Variants in LETM1 observed in about 807,000 individuals in gnomAD.
LETM1 encodes the protein leucine zipper and EF-hand containing transmembrane protein 1.
Under a neutral mutation model 74.5 loss-of-function variants are expected in LETM1, and 50 were observed. The observed-to-expected ratio is 0.67, with a 90% CI of 0.53 to 0.85. LETM1 has a LOEUF of 0.85. LETM1 is among the 40% of genes least tolerant of loss of function. The probability of loss-of-function intolerance (pLI) is 0.00; values close to 1 mark genes in which losing one functional copy is unlikely to be tolerated. For missense variants in LETM1, 824 were observed against 967.8 expected, an observed-to-expected ratio of 0.85 and a Z score of 1.97; for synonymous variants, 446 against 407.1, an observed-to-expected ratio of 1.10 and a Z score of -1.15.
At chr4:1,814,653 G>A in intron 13 of LETM1, 80 bp from the exon 14 acceptor site, 2 of 1,290,664 alleles carry the variant, frequency 1.5e-6, no homozygotes, top group Admixed American at 3.7e-5. Flanking sequence ...AGCGCCGTCA[G>A]TCGCCCCAGC....
At chr4:1,819,252 CG>C (rs775425084) in intron 11 of LETM1, 85 bp downstream of exon 11, 20 of 1,339,004 alleles carry the variant, frequency 1.5e-5, no homozygotes, top group Non-Finnish European at 1.9e-5. Context: ...AAGTATCTGA[CG>C]GAAGTATTAT....
chr4:1,827,974 C>A (rs1206522019), intron 6 of LETM1, among the ~76,000 whole-genome samples: 1 of 140,742 alleles, frequency 7.1e-6, no homozygotes, highest in African/African-American at 2.7e-5. Context: ...GAGGGGCTCC[C>A]CACTTCCCAG....
chr4:1,838,815 T>C (rs377201704), intron 3 of LETM1, among the ~76,000 whole-genome samples: 1 of 152,172 alleles, frequency 6.6e-6, no homozygotes, highest in East Asian at 1.9e-4. Context: ...GAGAGTGGAC[T>C]CGATTCCCAC....
chr4:1,848,834 G>A (rs1712973170), intron 2 of LETM1, among the ~76,000 whole-genome samples: 1 of 151,854 alleles, frequency 6.6e-6, no homozygotes, highest in African/African-American at 2.4e-5. Flanking sequence ...GGGCACAGTT[G>A]CCAGTGCCCA....
At chr4:1,828,371 G>A (rs1215318784) in intron 6 of LETM1, among the ~76,000 whole-genome samples, 15 of 94,356 alleles carry the variant, frequency 1.6e-4, no homozygotes, top group Admixed American at 4.1e-4. Flanking sequence ...CTGGCCGGGC[G>A]GGGGGCTGAC....
chr4:1,853,530 G>A (rs1713140080), intron 1 of LETM1, among the ~76,000 whole-genome samples: 1 of 152,120 alleles, frequency 6.6e-6, no homozygotes, highest in Non-Finnish European at 1.5e-5. Flanking sequence ...TACCAGTAGA[G>A]CAGCACCCTA....
chr4:1,843,884 G>A (rs1712789964), intron 2 of LETM1, among the ~76,000 whole-genome samples: 1 of 152,196 alleles, frequency 6.6e-6, no homozygotes. Context: ...CAGAGCCCAC[G>A]CAGGCTCAGA....
At chr4:1,818,242 C>T (rs1473130122) in intron 11 of LETM1, among the ~76,000 whole-genome samples, 1 of 152,200 alleles carries the variant, frequency 6.6e-6, no homozygotes, top group East Asian at 1.9e-4. Context: ...TGTCATAAAT[C>T]TAGAAATGGC....
At chr4:1,817,994 G>A (rs141552797) in intron 11 of LETM1, among the ~76,000 whole-genome samples, 40 of 152,246 alleles carry the variant, frequency 2.6e-4, no homozygotes, top group African/African-American at 8.4e-4. Context: ...TGCCCAGGCC[G>A]GTCTCAAACT....
intron 11 of LETM1, among the ~76,000 whole-genome samples, chr4:1,818,431 G>C (rs551708865): frequency 2.4e-4 from 36 of 152,052 alleles, no homozygotes; most frequent in African/African-American, 8.4e-4. Flanking sequence ...GGTCAACATG[G>C]TGAAACCCTG....
chr4:1,850,736 G>A (rs947885052), intron 1 of LETM1, among the ~76,000 whole-genome samples: 9 of 151,502 alleles, frequency 5.9e-5, no homozygotes, highest in Non-Finnish European at 7.4e-5. Flanking sequence ...AGGCTGAGGC[G>A]GGTGGATCAC....
In LETM1 at chr4:1,811,925, T is replaced by TAATA. The variant is rs986883051; in HGVS notation, c.*2495_*2498dup. On this transcript the variant is annotated 3_prime_UTR_variant, in exon 14 of 14. Transcript: ENST00000302787. ...GACCAACATGATGAAACCCCATCTC[T>TAATA]AATAAAAACTTGCCCGTAATCCCAG... 6 of 151,924 alleles carry TAATA rather than the reference T, an allele frequency of 3.9e-5. No individual in the cohort carries two copies. The highest frequency in any genetic ancestry group is 3.9e-4 in the Admixed American group (6 of 15,236). The allele number at this position is 151,924 out of a possible 1,614,324, so 9.4% of individuals were successfully genotyped here.
intron 1 of LETM1, among the ~76,000 whole-genome samples, chr4:1,854,246 C>T (rs1713162367): frequency 6.6e-6 from 1 of 152,110 alleles, no homozygotes; most frequent in Admixed American, 6.5e-5. Flanking sequence ...CTTTGGGAGG[C>T]TGAGGTGGGT....
intron 2 of LETM1, chr4:1,846,630 C>CATAAAAGAG (rs1712891286): frequency 6.6e-6 from 1 of 152,150 alleles, no homozygotes; most frequent in African/African-American, 2.4e-5. Flanking sequence ...ACATCCATTC[C>CATAAAAGAG]TAATAAAAAG....
intron 11 of LETM1, among the ~76,000 whole-genome samples, chr4:1,818,718 T>C (rs1711666388): frequency 6.6e-6 from 1 of 152,120 alleles, no homozygotes; most frequent in Admixed American, 6.6e-5. Flanking sequence ...AAAAAGCCAC[T>C]TTCACGTAAT....
intron 10 of LETM1, among the ~76,000 whole-genome samples, chr4:1,821,123 ATTT>A (rs572170622): frequency 7.1e-6 from 1 of 140,998 alleles, no homozygotes. Flanking sequence ...AAAAAGTGAA[ATTT>A]TTTTTTTTTT....
chr4:1,825,482 G>T, intron 7 of LETM1, 82 bp downstream of exon 7: 1 of 1,526,352 alleles, frequency 6.6e-7, no homozygotes, highest in South Asian at 1.2e-5. Context: ...CCAGAGTTTG[G>T]GAAGAGCCTC....
chr4:1,823,242 C>T (rs1577312690), intron 8 of LETM1, 111 bp from the exon 9 acceptor site: 1 of 1,343,758 alleles, frequency 7.4e-7, no homozygotes, highest in East Asian at 2.4e-5. Flanking sequence ...ACCTGGGCTT[C>T]ACACACACAG....
chr4:1,818,282 TATC>T (rs1577309376), intron 11 of LETM1, among the ~76,000 whole-genome samples: 1 of 152,112 alleles, frequency 6.6e-6, no homozygotes, highest in Non-Finnish European at 1.5e-5. Flanking sequence ...AAAAATCAGT[TATC>T]ATTCCCAACA....
Sources: gnomAD v4.1 joint callset for allele counts (sites outside exome capture counted in the v4.1 genomes callset) on GRCh38, gnomAD v4.1.1 for gene constraint, MANE v1.5 for transcripts, NCBI Gene and HGNC (gene_info 2026-07-23, HGNC 2026-07-21) for gene names.